Variants in ARID5B observed in about 807,000 individuals in gnomAD.
ARID5B encodes AT-rich interaction domain 5B.
In ARID5B, 13 loss-of-function variants were observed where a neutral mutation model predicts 97.2. The ratio of observed to expected loss-of-function variants is 0.13; its 90% confidence interval spans 0.09 to 0.21. ARID5B has a LOEUF of 0.21. ARID5B is among the 10% of genes least tolerant of loss of function. The pLI is 1.00. For missense variants in ARID5B, 1,210 were observed against 1,465.3 expected (o/e 0.83, Z 2.84); for synonymous variants, 556 against 570.3 (o/e 0.97, Z 0.36).
chr10:62,011,984 G>A (rs1839223620), intron 4 of ARID5B, among the ~76,000 whole-genome samples: 1 of 150,602 alleles, frequency 6.6e-6, no homozygotes, highest in Non-Finnish European at 1.5e-5. Context: ...CATCCCCTTA[G>A]TACCATATTT....
At chr10:62,051,164 C>T (rs1839784584) in intron 5 of ARID5B, 164 bp downstream of exon 5, 1 of 710,582 alleles carries the variant, frequency 1.4e-6, no homozygotes, top group African/African-American at 1.8e-5. Flanking sequence ...CCTGCCACCT[C>T]CCTTCCCCTG....
In ARID5B at chr10:62,094,069, T is replaced by TA. The variant is rs1840429761; in HGVS notation, c.*1044dup. ...AACTGTCCTACATACCAGAGAATCATAAAAACAAAAACCTCACTGGCAGCA... is the reference window on the plus strand; with the variant it reads ...AACTGTCCTACATACCAGAGAATCATAAAAAACAAAAACCTCACTGGCAGCA... On this transcript the variant is annotated 3_prime_UTR_variant, in exon 10 of 10. Transcript: ENST00000279873. 4.3e-6 allele frequency: 1 copy of TA among 233,564 alleles called. No individual in the cohort carries two copies. The highest frequency in any genetic ancestry group is 6.0e-5 in the East Asian group (1 of 16,560). The allele number at this position is 233,564 out of a possible 1,614,324, so 14.5% of individuals were successfully genotyped here.
At chr10:62,015,016 C>T (rs548522947) in intron 4 of ARID5B, among the ~76,000 whole-genome samples, 9 of 152,268 alleles carry the variant, frequency 5.9e-5, no homozygotes, top group African/African-American at 1.7e-4. Context: ...AAACGTTACA[C>T]TTCATTAATT....
At chr10:62,039,824 G>A (rs1839611947) in intron 4 of ARID5B, among the ~76,000 whole-genome samples, 1 of 152,176 alleles carries the variant, frequency 6.6e-6, no homozygotes, top group African/African-American at 2.4e-5. Context: ...CTCATATTTT[G>A]TCATAAATGG....
intron 4 of ARID5B, among the ~76,000 whole-genome samples, chr10:62,042,914 CAAAA>C (rs34887438): frequency 1.6e-4 from 20 of 121,258 alleles, no homozygotes; most frequent in Non-Finnish European, 1.9e-4. Context: ...GAGTCTGTCC[CAAAA>C]AAAAAAAAAA....
At chr10:62,066,119 A>C (rs1047455456) in intron 7 of ARID5B, among the ~76,000 whole-genome samples, 2 of 152,194 alleles carry the variant, frequency 1.3e-5, no homozygotes, top group African/African-American at 4.8e-5. Context: ...CAGAATAAAA[A>C]CTATAAGCAA....
At chr10:62,072,496 G>T (rs1050050586) in intron 8 of ARID5B, among the ~76,000 whole-genome samples, 1 of 152,190 alleles carries the variant, frequency 6.6e-6, no homozygotes, top group Non-Finnish European at 1.5e-5. Context: ...GGTGGATTTG[G>T]AGTTGAAAGA....
At chr10:62,030,656 CT>C (rs1839485086) in intron 4 of ARID5B, among the ~76,000 whole-genome samples, 1 of 152,206 alleles carries the variant, frequency 6.6e-6, no homozygotes, top group Admixed American at 6.5e-5. Context: ...TAGTGGCCTT[CT>C]TCTGGATAGC....
At chr10:61,920,197 G>C (rs1346062226) in intron 2 of ARID5B, among the ~76,000 whole-genome samples, 1 of 152,058 alleles carries the variant, frequency 6.6e-6, no homozygotes, top group African/African-American at 2.4e-5. Flanking sequence ...GAGGAATCTT[G>C]CTTCAGTCTT....
intron 3 of ARID5B, among the ~76,000 whole-genome samples, chr10:61,972,225 C>CTT (rs71022106): frequency 0.011 from 1,280 of 112,640 alleles, 43 homozygotes; most frequent in Non-Finnish European, 0.017. Context: ...TTATATCATG[C>CTT]TTTTTTTTTT....
At chr10:62,039,198 T>C (rs1839603665) in intron 4 of ARID5B, among the ~76,000 whole-genome samples, 1 of 152,204 alleles carries the variant, frequency 6.6e-6, no homozygotes, top group Non-Finnish European at 1.5e-5. Context: ...TAGTTAGATA[T>C]CAGAAACATA....
intron 4 of ARID5B, among the ~76,000 whole-genome samples, chr10:62,043,943 G>A (rs1240911619): frequency 1.3e-5 from 2 of 152,082 alleles, no homozygotes; most frequent in African/African-American, 4.8e-5. Flanking sequence ...TATAGCAAAG[G>A]CAGTAATACA....
intron 3 of ARID5B, among the ~76,000 whole-genome samples, chr10:61,958,599 A>C (rs1405690645): frequency 6.6e-6 from 1 of 152,220 alleles, no homozygotes; most frequent in Non-Finnish European, 1.5e-5. Flanking sequence ...CATCCCATGT[A>C]CTACTCTTCC....
Position 62,095,095 on chromosome 10 carries a change from G to A in ARID5B, c.*2065G>A, listed in dbSNP as rs1347250963. On this transcript the variant is annotated 3_prime_UTR_variant, in exon 10 of 10. Coordinates refer to ENST00000279873, the MANE Select transcript of ARID5B (RefSeq NM_032199.3). ...GCTTCAATTAATTATTTACCTTCCT[G>A]TGGAATAATATATATATATATATTT... 4.4e-6 allele frequency: 1 copy of A among 228,714 alleles called. No homozygotes were observed. The highest frequency in any genetic ancestry group is 6.2e-5 in the East Asian group (1 of 16,080). 14.2% of individuals were successfully genotyped at this position (228,714 alleles called of 1,614,324 possible). A position where few individuals can be genotyped will look rare whatever the true frequency, so the allele number is the denominator to read the frequency against.
chr10:61,956,595 T>A (rs561078992), intron 3 of ARID5B, among the ~76,000 whole-genome samples: 1 of 152,322 alleles, frequency 6.6e-6, no homozygotes, highest in South Asian at 2.1e-4. Context: ...CTCCCAATTT[T>A]CCCTTCTCCA....
rs188613399 is a variant in ARID5B, at chr10:62,057,354, G to T, written c.1048+36G>T. On this transcript the variant is annotated intron_variant, in intron 6 of 9. Coordinates refer to ENST00000279873, the MANE Select transcript of ARID5B (RefSeq NM_032199.3). ...TTGTTTTCGTTTCTGAATTATCAGA[G>T]CTGCTCAGATTCTTTGAATTGGAAA... 9.5e-6 allele frequency: 15 copies of T among 1,578,334 alleles called. No homozygotes were observed. The East Asian group carries it at 3.1e-4, about 33-fold the overall frequency.
intron 3 of ARID5B, among the ~76,000 whole-genome samples, chr10:61,976,626 C>T (rs989853935): frequency 2.6e-5 from 4 of 152,190 alleles, no homozygotes; most frequent in African/African-American, 7.2e-5. Flanking sequence ...CCTTGGTGAG[C>T]GGGCAAAGAT....
chr10:62,045,958 C>T (rs1280843905), intron 4 of ARID5B, among the ~76,000 whole-genome samples: 1 of 152,190 alleles, frequency 6.6e-6, no homozygotes, highest in Non-Finnish European at 1.5e-5. Flanking sequence ...ACATTGACCT[C>T]GGGGGTCAAA....
intron 3 of ARID5B, among the ~76,000 whole-genome samples, chr10:61,983,526 T>G (rs2132848049): frequency 6.6e-6 from 1 of 152,342 alleles, no homozygotes; most frequent in South Asian, 2.1e-4. Context: ...TACATTTAGC[T>G]GCAAAGTATT....
Sources: allele counts gnomAD v4.1 joint callset (sites outside exome capture counted in the v4.1 genomes callset), GRCh38; gene constraint gnomAD v4.1.1; transcripts MANE v1.5; gene names NCBI Gene and HGNC (gene_info 2026-07-23, HGNC 2026-07-21).